The following VPS13B variants were observed in gnomAD, a reference collection of about 807,000 sequenced individuals.
VPS13B encodes intermembrane lipid transfer protein VPS13B.
VPS13B carries 285 observed loss-of-function variants against 426.4 expected under a neutral mutation model. The ratio of observed to expected loss-of-function variants is 0.67; its 90% CI spans 0.61 to 0.74. The LOEUF (loss-of-function observed/expected upper bound fraction) is 0.74. VPS13B is among the 30% of genes least tolerant of loss of function. VPS13B has a pLI of 0.00. For missense variants in VPS13B, 4,537 were observed against 4,782.6 expected (o/e 0.95, Z 1.51); for synonymous variants, 1,676 against 1,676.4 (o/e 1.00, Z 0.01).
At chr8:99,516,308 A>G (rs1453543607) in intron 29 of VPS13B, among the ~76,000 whole-genome samples, 1 of 152,168 alleles carries the variant, frequency 6.6e-6, no homozygotes, top group African/African-American at 2.4e-5. Context: ...GGGAGATTGG[A>G]TGTGTCCATT....
rs117243074 is a variant in VPS13B at position 99,435,624 on chromosome 8, T to C, written c.3210+3960T>C. Among the ~76,000 whole-genome samples the C allele has an allele frequency of 2.1e-3, 326 of 152,268 alleles. 1 individual carries two copies. Among genetic ancestry groups the C allele is most frequent in the Middle Eastern group, 0.017 (5 of 294 alleles). ...AAATAACCAAAAAATTATTGAAATA[T>C]ATAACACAAAGATTTCAAACCACTA... On this transcript the variant is annotated intron_variant, in intron 22 of 61. Coordinates refer to ENST00000357162, the MANE Select transcript of VPS13B (RefSeq NM_152564.5).
intron 3 of VPS13B, among the ~76,000 whole-genome samples, chr8:99,043,363 T>C (rs1363947744): frequency 6.6e-6 from 1 of 152,158 alleles, no homozygotes. Context: ...TCTCTATTAA[T>C]TGATTTTAAA....
At chr8:99,123,814 A>G (rs1367059633) in intron 8 of VPS13B, among the ~76,000 whole-genome samples, 1 of 152,190 alleles carries the variant, frequency 6.6e-6, no homozygotes, top group Non-Finnish European at 1.5e-5. Flanking sequence ...GAGCTGTGAC[A>G]TTTTGAGATG....
chr8:99,555,227 A>T (rs975320531), intron 30 of VPS13B, among the ~76,000 whole-genome samples: 2 of 152,030 alleles, frequency 1.3e-5, no homozygotes, highest in Non-Finnish European at 2.9e-5. Flanking sequence ...CGTTGTCTTG[A>T]GTCTGAGCAG....
At chr8:99,190,477 T>C (rs1195777323) in intron 16 of VPS13B, among the ~76,000 whole-genome samples, 1 of 152,102 alleles carries the variant, frequency 6.6e-6, no homozygotes, top group Non-Finnish European at 1.5e-5. Flanking sequence ...CTATTGTTTG[T>C]TTTCTTTTTT....
chr8:99,069,260 C>T (rs1844724191), intron 3 of VPS13B, among the ~76,000 whole-genome samples: 1 of 152,006 alleles, frequency 6.6e-6, no homozygotes, highest in Non-Finnish European at 1.5e-5. Flanking sequence ...TGGTCAAACC[C>T]CATCTCTACA....
At chr8:99,706,622 A>G (rs1832509945) in intron 36 of VPS13B, among the ~76,000 whole-genome samples, 1 of 152,142 alleles carries the variant, frequency 6.6e-6, no homozygotes, top group African/African-American at 2.4e-5. Context: ...CAAATTCCAA[A>G]TTTAATCTAG....
At chr8:99,188,053 ATTTTTTTT>A (rs60360700) in intron 16 of VPS13B, among the ~76,000 whole-genome samples, 1 of 112,780 alleles carries the variant, frequency 8.9e-6, no homozygotes, top group Non-Finnish European at 1.8e-5. Context: ...TTGTTTGGAC[ATTTTTTTT>A]TTTTTTTTTT....
chr8:99,191,063 A>T (rs1200575375), intron 16 of VPS13B, among the ~76,000 whole-genome samples: 2 of 151,174 alleles, frequency 1.3e-5, no homozygotes, highest in African/African-American at 4.9e-5. Flanking sequence ...TGAATTTTGG[A>T]TTCTAGGCTG....
chr8:99,835,342 G>C lies in VPS13B; in HGVS notation c.9742+18G>C, dbSNP rs747567587. 1.9e-6 allele frequency: 3 copies of C among 1,602,466 alleles called. No individual in the cohort carries two copies. In the South Asian group the frequency reaches 3.3e-5, roughly 18 times the overall value. On this transcript the variant is annotated intron_variant, in intron 53 of 61. Transcript: ENST00000357162. Reference sequence around the variant, plus strand: ...CATTAAAGGTATGTTTTATACTATCGAATTTAGATAATACTAAATGTGTAT... The same window carrying C: ...CATTAAAGGTATGTTTTATACTATCCAATTTAGATAATACTAAATGTGTAT...
chr8:99,088,781 C>T (rs1161504303), intron 3 of VPS13B, among the ~76,000 whole-genome samples: 2 of 152,160 alleles, frequency 1.3e-5, no homozygotes, highest in Non-Finnish European at 2.9e-5. Flanking sequence ...CTAATAGGCC[C>T]TCTGCCATTT....
chr8:99,671,795 C>T (rs1301992540), intron 35 of VPS13B, among the ~76,000 whole-genome samples: 2 of 151,950 alleles, frequency 1.3e-5, no homozygotes, highest in East Asian at 3.9e-4. Flanking sequence ...GTTTAGTTGA[C>T]TTTTGTACAT....
Position 99,696,317 on chromosome 8 carries a change from C to A in VPS13B, c.6047-3208C>A. The A allele has an allele frequency of 1.2e-5, 3 of 248,818 alleles. No homozygotes were observed. In the South Asian group the frequency reaches 1.6e-4, roughly 13 times the overall value. 15.4% of individuals were successfully genotyped at this position (248,818 alleles called of 1,614,324 possible). On this transcript the variant is annotated intron_variant, in intron 35 of 61. Transcript: ENST00000357162. ...CCCACAGAGGTGGTGGTGAATAAGT[C>A]GCTCGGGCAGAGGGAGCTGGATGAG...
At chr8:99,873,864 G>A (rs1817561274) in intron 61 of VPS13B, among the ~76,000 whole-genome samples, 2 of 152,154 alleles carry the variant, frequency 1.3e-5, no homozygotes, top group African/African-American at 4.8e-5. Context: ...ACAGACATGA[G>A]GAAGCCTGTC....
chr8:99,050,942 A>G (rs947123290), intron 3 of VPS13B, among the ~76,000 whole-genome samples: 1 of 152,140 alleles, frequency 6.6e-6, no homozygotes, highest in Non-Finnish European at 1.5e-5. Flanking sequence ...CCTTTGTCAG[A>G]TGAGTAGATT....
chr8:99,218,238 G>A (rs1332658455), intron 17 of VPS13B, among the ~76,000 whole-genome samples: 1 of 152,142 alleles, frequency 6.6e-6, no homozygotes, highest in Admixed American at 6.6e-5. Context: ...TGAAAAAAGA[G>A]GAGGAAGAAG....
intron 16 of VPS13B, among the ~76,000 whole-genome samples, chr8:99,177,823 C>CTA (rs771610711): frequency 6.6e-6 from 1 of 152,162 alleles, no homozygotes; most frequent in Non-Finnish European, 1.5e-5. Context: ...TCTACATGAC[C>CTA]TATATCTATG....
At chr8:99,863,919 T>TCCCA (rs1816964922) in intron 58 of VPS13B, among the ~76,000 whole-genome samples, 1 of 152,104 alleles carries the variant, frequency 6.6e-6, no homozygotes, top group African/African-American at 2.4e-5. Flanking sequence ...CCAGCCCCAG[T>TCCCA]CCCAGCCCAG....
chr8:99,359,701 G>T (rs1287332958), intron 19 of VPS13B, among the ~76,000 whole-genome samples: 1 of 152,198 alleles, frequency 6.6e-6, no homozygotes, highest in South Asian at 2.1e-4. Context: ...TCAATACGTG[G>T]ATTAACCACA....
Sources: gnomAD v4.1 joint callset for allele counts (sites outside exome capture counted in the v4.1 genomes callset) on GRCh38, gnomAD v4.1.1 for gene constraint, MANE v1.5 for transcripts, NCBI Gene and HGNC (gene_info 2026-07-23, HGNC 2026-07-21) for gene names.